The following CLVS1 variants were observed in gnomAD, a reference collection of about 807,000 sequenced individuals.
CLVS1 encodes the protein clavesin-1.
Under a neutral mutation model 33.1 loss-of-function variants are expected in CLVS1, and 10 were observed. The ratio of observed to expected loss-of-function variants is 0.30; its 90% CI spans 0.19 to 0.51. The LOEUF (loss-of-function observed/expected upper bound fraction) is 0.51, where lower values mean the gene tolerates loss of function less well. Ranked by LOEUF, CLVS1 falls within the 20% of genes least tolerant of loss-of-function variation. The pLI, the probability that CLVS1 is intolerant of heterozygous loss-of-function variation, is 0.97. For synonymous variants in CLVS1, 163 were observed against 166.1 expected (o/e 0.98, Z 0.14); for missense variants, 343 against 433.4 (o/e 0.79, Z 1.85).
the CLVS1 span, among the ~76,000 whole-genome samples, chr8:60,969,719 C>T: frequency 6.6e-6 from 1 of 152,074 alleles, no homozygotes; most frequent in Non-Finnish European, 1.5e-5. Context: ...AAATATAACA[C>T]ACAGTCAGCC....
intron 1 of CLVS1, among the ~76,000 whole-genome samples, chr8:61,094,601 T>C (rs1490568628): frequency 6.6e-6 from 1 of 152,172 alleles, no homozygotes. Context: ...TGTGACTGTA[T>C]TTAAAGACAG....
chr8:61,174,216 C>T (rs1367142433), intron 2 of CLVS1, among the ~76,000 whole-genome samples: 3 of 152,022 alleles, frequency 2.0e-5, no homozygotes, highest in Non-Finnish European at 1.5e-5. Context: ...AACAAAAAAG[C>T]AGGAAAATAC....
At chr8:61,054,955 A>G (rs1804451055), upstream of CLVS1, among the ~76,000 whole-genome samples, 1 of 152,114 alleles carries the variant, frequency 6.6e-6, no homozygotes, top group Non-Finnish European at 1.5e-5. Flanking sequence ...CAAAATCATT[A>G]CCTCATTGCT....
the CLVS1 span, among the ~76,000 whole-genome samples, chr8:61,016,694 G>T: frequency 6.6e-6 from 1 of 152,218 alleles, no homozygotes; most frequent in Non-Finnish European, 1.5e-5. Context: ...GCGTAAATGT[G>T]TGTGTGCTTG....
At chr8:61,492,689 A>AT (rs144771232) in intron 5 of CLVS1, among the ~76,000 whole-genome samples, 1 of 152,144 alleles carries the variant, frequency 6.6e-6, no homozygotes, top group Admixed American at 6.5e-5. Context: ...TAGAATATTT[A>AT]TTTTTTTGGA....
At chr8:61,480,171 G>A (rs1563572824) in intron 5 of CLVS1, among the ~76,000 whole-genome samples, 1 of 152,230 alleles carries the variant, frequency 6.6e-6, no homozygotes, top group African/African-American at 2.4e-5. Flanking sequence ...TCTGTGCCCT[G>A]CCCCCAGAGG....
chr8:61,153,420 T>C (rs1806582671), intron 2 of CLVS1, among the ~76,000 whole-genome samples: 2 of 152,106 alleles, frequency 1.3e-5, no homozygotes, highest in Admixed American at 6.6e-5. Context: ...CTTGTGAAAA[T>C]GTTTACAGGT....
At chr8:61,218,645 A>C (rs1808142211) in intron 2 of CLVS1, among the ~76,000 whole-genome samples, 1 of 149,744 alleles carries the variant, frequency 6.7e-6, no homozygotes, top group Admixed American at 6.7e-5. Context: ...ATAAAAAAAA[A>C]ACAACAAGGC....
chr8:61,213,475 G>A (rs1808014202), intron 2 of CLVS1, among the ~76,000 whole-genome samples: 1 of 149,118 alleles, frequency 6.7e-6, no homozygotes, highest in East Asian at 2.1e-4. Context: ...CTGAAGCCAT[G>A]GTAGAAGAAT....
At chr8:61,133,481 T>C (rs1806138548) in intron 2 of CLVS1, among the ~76,000 whole-genome samples, 1 of 152,150 alleles carries the variant, frequency 6.6e-6, no homozygotes, top group African/African-American at 2.4e-5. Context: ...GGGCTGTTTA[T>C]GGAGGTGAGC....
At chr8:61,087,534 T>C (rs1805149083) in intron 1 of CLVS1, among the ~76,000 whole-genome samples, 1 of 152,022 alleles carries the variant, frequency 6.6e-6, no homozygotes, top group African/African-American at 2.4e-5. Flanking sequence ...TGGAGGGAAG[T>C]GTAGAGAAGA....
At position 61,476,981 on chromosome 8, in the gene CLVS1, T is replaced by G. The variant is rs989834107; in HGVS notation, c.977+18439T>G. On this transcript the variant is annotated intron_variant, in intron 5 of 5. Coordinates refer to ENST00000325897, the MANE Select transcript of CLVS1 (RefSeq NM_173519.3). ...TTTTGAGATACATCCCATCAATACCTAATTTATTGAGAGTTTCTAGCATGA... is the reference window on the plus strand; with the variant it reads ...TTTTGAGATACATCCCATCAATACCGAATTTATTGAGAGTTTCTAGCATGA... 2.2e-4 allele frequency among the ~76,000 whole-genome samples: 34 copies of G among 152,186 alleles called. 1 individual carries two copies. The highest frequency in any genetic ancestry group is 7.0e-4 in the African/African-American group (29 of 41,458).
intron 2 of CLVS1, among the ~76,000 whole-genome samples, chr8:61,265,772 C>A (rs568436293): frequency 1.7e-4 from 26 of 152,338 alleles, no homozygotes; most frequent in South Asian, 6.2e-4. Flanking sequence ...CCTCACCAGG[C>A]CTGCTGGGCC....
At chr8:61,499,366 G>GAAAT (rs71559334) in intron 5 of CLVS1, 89 bp from the exon 6 acceptor site, 549,738 of 852,212 alleles carry the variant, frequency 0.65, 185,270 homozygotes, top group Non-Finnish European at 0.7. Flanking sequence ...ATTAAAAAGA[G>GAAAT]AAATATAAAA....
At chr8:61,381,907 C>T (rs1036682603) in intron 3 of CLVS1, among the ~76,000 whole-genome samples, 1 of 152,134 alleles carries the variant, frequency 6.6e-6, no homozygotes, top group African/African-American at 2.4e-5. Context: ...CATATGCATG[C>T]ATGTGCCTTT....
intron 3 of CLVS1, among the ~76,000 whole-genome samples, chr8:61,447,466 T>A (rs1816795904): frequency 1.3e-5 from 2 of 151,956 alleles, no homozygotes; most frequent in Admixed American, 1.3e-4. Flanking sequence ...ATTTTGTCTT[T>A]CCTGCCTTCT....
intron 1 of CLVS1, among the ~76,000 whole-genome samples, chr8:61,292,636 G>T (rs576117359): frequency 6.6e-6 from 1 of 152,186 alleles, no homozygotes; most frequent in African/African-American, 2.4e-5. Context: ...AAAAATTGGG[G>T]TATCAACTGC....
the CLVS1 span, among the ~76,000 whole-genome samples, chr8:61,014,102 T>C: frequency 1.3e-5 from 2 of 151,942 alleles, no homozygotes; most frequent in African/African-American, 2.4e-5. Context: ...TTTTTTTTTT[T>C]TTCTTTCTTG....
chr8:61,085,700 GGC>G (rs1264611574), intron 1 of CLVS1, among the ~76,000 whole-genome samples: 7 of 148,816 alleles, frequency 4.7e-5, no homozygotes, highest in Non-Finnish European at 8.9e-5. Flanking sequence ...AGACCAGCCT[GGC>G]CAAAATGGTG....
Sources: allele counts gnomAD v4.1 joint callset (sites outside exome capture counted in the v4.1 genomes callset), GRCh38; gene constraint gnomAD v4.1.1; transcripts MANE v1.5; gene names NCBI Gene and HGNC (gene_info 2026-07-23, HGNC 2026-07-21).